TSPAN1: variants seen among roughly 807,000 people sequenced by gnomAD.
The protein encoded by TSPAN1 is tetraspanin 1.
A neutral mutation model predicts 26.9 loss-of-function variants in TSPAN1; 23 were observed. That is an observed-to-expected ratio of 0.85 (90% CI 0.62 to 1.21). TSPAN1 has a LOEUF of 1.21. TSPAN1 is among the 50% of genes most tolerant of loss of function. TSPAN1 has a pLI of 0.00. For missense variants in TSPAN1, 283 were observed against 298.4 expected (o/e 0.95, Z 0.38); for synonymous variants, 115 against 114.8 (o/e 1.00, Z -0.01).
chr1:46,195,198 G>A, the TSPAN1 span, among the ~76,000 whole-genome samples: 62 of 151,984 alleles, frequency 4.1e-4, no homozygotes, highest in Non-Finnish European at 7.8e-4. Context: ...TCTCTCTCCC[G>A]CCACTCTCTG....
rs1802372 is a variant in TSPAN1 at position 46,185,780 on chromosome 1, T to C, written c.*247T>C. Reference sequence around the variant, plus strand: ...AGAGCCTCTAAGGTAGCCAGTTCTGTTGCCCATTCCCCCAGTCTATTAAAC... The same window carrying C: ...AGAGCCTCTAAGGTAGCCAGTTCTGCTGCCCATTCCCCCAGTCTATTAAAC... On this transcript the variant is annotated 3_prime_UTR_variant, in exon 9 of 9. Coordinates refer to ENST00000372003, the MANE Select transcript of TSPAN1 (RefSeq NM_005727.4). 3.4e-6 allele frequency: 2 copies of C among 582,392 alleles called. No individual in the cohort carries two copies. Among genetic ancestry groups the C allele is most frequent in the Middle Eastern group, 4.5e-4 (1 of 2,204 alleles). 36.1% of individuals were successfully genotyped at this position (582,392 alleles called of 1,614,324 possible).
At chr1:46,194,521 GC>G in the TSPAN1 span, 6 of 1,613,942 alleles carry the variant, frequency 3.7e-6, no homozygotes, top group African/African-American at 6.7e-5. Flanking sequence ...CCCAGCCCAG[GC>G]CCTGCCCCAT....
intron 1 of TSPAN1, chr1:46,176,471 T>G (rs1024724314): frequency 9.1e-6 from 14 of 1,535,522 alleles, no homozygotes; most frequent in Non-Finnish European, 9.6e-6. Context: ...GATGGCCCCA[T>G]GGGCACAGGG....
the TSPAN1 span, among the ~76,000 whole-genome samples, chr1:46,196,325 C>T: frequency 7.2e-5 from 11 of 152,216 alleles, no homozygotes; most frequent in Admixed American, 6.5e-4. This position sits in a 1 kb window ranked among gnomAD's most constrained non-coding sequence, Gnocchi z 4.4. Context: ...AGAGCCTCTG[C>T]TGTCTCTGCT....
rs2148146442 is a variant in TSPAN1 at position 46,184,374 on chromosome 1, G to A, written c.241G>A (p.Glu81Lys). Residue 81 changes from glutamate (E) to lysine (K), a missense_variant, in exon 4 of 9, where the codon GAG (glutamate) becomes AAG (lysine). By Grantham distance (56) the Glu-to-Lys change is moderately conservative. Transcript: ENST00000372003. ...CCTGGGCTGCTATGGTGCTAAGACT[G>A]AGAGCAAGTGTGCCCTCGTGACGGT... The part of the protein sequence containing the change: ...GFLGCYGAKT[E>K]SKCALVTFFF... 1 of 1,614,104 alleles carries A rather than the reference G, an allele frequency of 6.2e-7. No individual in the cohort carries two copies. Among genetic ancestry groups the A allele is most frequent in the Non-Finnish European group, 8.5e-7 (1 of 1,179,994 alleles).
At chr1:46,189,880 A>G (rs768656233), downstream of TSPAN1, 2 of 1,613,940 alleles carry the variant, frequency 1.2e-6, no homozygotes, top group South Asian at 2.2e-5. Flanking sequence ...CAGGTGGTGA[A>G]GTCATCATCT....
At chr1:46,189,988 C>T (rs1657626753), downstream of TSPAN1, 4 of 1,613,742 alleles carry the variant, frequency 2.5e-6, no homozygotes, top group Non-Finnish European at 3.4e-6. Context: ...ACCTCAGCCT[C>T]ACTGCAGTAG....
the TSPAN1 span, chr1:46,193,518 G>T: frequency 1.9e-6 from 3 of 1,614,046 alleles, no homozygotes; most frequent in Non-Finnish European, 2.5e-6. Context: ...AATCACTGCT[G>T]CTCCATGTTG....
intron 1 of TSPAN1, among the ~76,000 whole-genome samples, chr1:46,179,418 C>A (rs1657259247): frequency 6.6e-6 from 1 of 152,174 alleles, no homozygotes; most frequent in Admixed American, 6.5e-5. Flanking sequence ...ACTGTCCCTT[C>A]CTTCTAGAGC....
chr1:46,193,024 C>G, the TSPAN1 span: 5 of 1,607,092 alleles, frequency 3.1e-6, no homozygotes, highest in Non-Finnish European at 4.3e-6. Flanking sequence ...CCTTTGCCCC[C>G]AACCCTCTTC....
chr1:46,184,580 T>A lies in TSPAN1; in HGVS notation c.265-14T>A. 6.2e-7 allele frequency: 1 copy of A among 1,614,050 alleles called. No homozygotes were observed. The highest frequency in any genetic ancestry group is 1.1e-5 in the South Asian group (1 of 91,084). ...TGTCTCTCCCTAAAACCCAGACCCC[T>A]GTTCCCCACTCAGTTCTTCTTCATC... On this transcript the variant is annotated splice_polypyrimidine_tract_variant and intron_variant, in intron 4 of 8. Coordinates refer to ENST00000372003, the MANE Select transcript of TSPAN1 (RefSeq NM_005727.4).
the TSPAN1 span, chr1:46,194,640 C>T: frequency 2.4e-5 from 38 of 1,614,096 alleles, no homozygotes; most frequent in Middle Eastern, 1.6e-4. Flanking sequence ...TGTTTCTCCC[C>T]GAAGACAGGA....
rs1340768063 is a variant in TSPAN1 at position 46,184,965 on chromosome 1, G to A, written c.444G>A (p.Lys148=). 2.5e-6 allele frequency: 4 copies of A among 1,614,254 alleles called. No homozygotes were observed. Among genetic ancestry groups the A allele is most frequent in the Non-Finnish European group, 3.4e-6 (4 of 1,180,052 alleles). Residue 148 remains lysine (K), a synonymous_variant, in exon 7 of 9, where the codon AAG becomes AAA. Transcript: ENST00000372003. ...CACCCTCATCTTGTCTCCAGCTCAAGTGCTGTGGCTTCACCAACTATACGG... is the reference window on the plus strand; with the variant it reads ...CACCCTCATCTTGTCTCCAGCTCAAATGCTGTGGCTTCACCAACTATACGG... ...QVWNTTMKGL[K]CCGFTNYTDF... is the part of the protein sequence containing the mutation.
downstream of TSPAN1, chr1:46,189,098 C>T: frequency 5.3e-6 from 8 of 1,501,602 alleles, no homozygotes; most frequent in South Asian, 1.4e-5. Flanking sequence ...AACTCAGGAA[C>T]GGGGTGTTGG....
downstream of TSPAN1, chr1:46,189,269 C>A (rs1389865857): frequency 1.2e-6 from 2 of 1,613,230 alleles, no homozygotes; most frequent in Non-Finnish European, 8.5e-7. Context: ...TGGAGGAGGT[C>A]TCATGTCTGT....
chr1:46,186,731 G>A (rs1289366923), downstream of TSPAN1, among the ~76,000 whole-genome samples: 6 of 140,982 alleles, frequency 4.3e-5, no homozygotes, highest in East Asian at 2.1e-4. Context: ...GCGCGATCTC[G>A]GCTCACTGCA....
downstream of TSPAN1, chr1:46,190,606 A>T: frequency 1.3e-6 from 2 of 1,532,318 alleles, no homozygotes; most frequent in Non-Finnish European, 1.8e-6. Flanking sequence ...TCACATGGGA[A>T]TCTGTAGCCG....
rs1369411494 is a variant in TSPAN1, at chr1:46,184,521, G to GC, written c.265-73_265-72insC. 6.2e-6 allele frequency: 10 copies of GC among 1,604,260 alleles called. No individual in the cohort carries two copies. The African/African-American group carries it at 1.1e-4, about 17-fold the overall frequency. Reference sequence around the variant, plus strand: ...CTCAGGCTTCTGTCTCACTTTTCCGGGGGGGGGATTAGGGCAAGGAGGGCA... The same window carrying GC: ...CTCAGGCTTCTGTCTCACTTTTCCGGCGGGGGGGATTAGGGCAAGGAGGGCA... On this transcript the variant is annotated intron_variant, in intron 4 of 8. Transcript: ENST00000372003.
the TSPAN1 span, chr1:46,194,945 T>A: frequency 6.2e-7 from 1 of 1,614,072 alleles, no homozygotes; most frequent in Non-Finnish European, 8.5e-7. Context: ...GTCCTTGAGG[T>A]GGAAGGAGCC....
Sources: allele counts gnomAD v4.1 joint callset (sites outside exome capture counted in the v4.1 genomes callset), GRCh38; gene constraint gnomAD v4.1.1; non-coding constraint Gnocchi (gnomAD v3.1); transcripts MANE v1.5; gene names NCBI Gene and HGNC (gene_info 2026-07-23, HGNC 2026-07-21).